PLA2G7: variants seen among roughly 807,000 people sequenced by gnomAD.
PLA2G7 encodes the protein platelet-activating factor acetylhydrolase.
Under a neutral mutation model 49.6 loss-of-function variants are expected in PLA2G7, and 63 were observed. The ratio of observed to expected loss-of-function variants is 1.27; its 90% CI spans 1.04 to 1.57. PLA2G7 has a LOEUF of 1.57. PLA2G7 is among the 40% of genes most tolerant of loss of function. The probability of loss-of-function intolerance (pLI) is 0.00; values close to 1 mark genes in which losing one functional copy is unlikely to be tolerated. For missense variants in PLA2G7, 596 were observed against 521.2 expected, an observed-to-expected ratio of 1.14 and a Z score of -1.40; for synonymous variants, 193 against 169.9, an observed-to-expected ratio of 1.14 and a Z score of -1.06.
Position 46,716,479 on chromosome 6 carries a change from T to A in PLA2G7, c.281A>T (p.Asp94Val), listed in dbSNP as rs1362027316. 6.2e-7 allele frequency: 1 copy of A among 1,613,980 alleles called. No homozygotes were observed. Residue 94 changes from aspartate (D) to valine (V), a missense_variant, in exon 4 of 12, where the codon GAC becomes GTC. Coordinates refer to ENST00000274793, the MANE Select transcript of PLA2G7 (RefSeq NM_005084.4). ...TTCTTTATTTGGGATCCAAAGGGTG[T>A]CAAGGCGATCATTATCTTGGGATGG... Reference protein sequence around the residue: ...YYPSQDNDRLDTLWIPNKEYF... With the variant: ...YYPSQDNDRLVTLWIPNKEYF...
In PLA2G7 at chr6:46,717,063, G is replaced by T; in HGVS notation, c.143C>A (p.Ala48Asp). 6.2e-7 allele frequency: 1 copy of T among 1,613,608 alleles called. No homozygotes were observed. Among genetic ancestry groups the T allele is most frequent in the Non-Finnish European group, 8.5e-7 (1 of 1,179,492 alleles). The change falls in exon 3 of 12, where the codon GCT (alanine) becomes GAT (aspartate). Residue 48 changes from alanine (A) to aspartate (D), a missense_variant. Transcript: ENST00000274793. ...GATTTTAGTTTGGCCAAAGCTTGCA[G>T]CAGCCATCAGTACTTGTATTTTGTT... ...WVNKIQVLMA[A>D]ASFGQTKIPR... is the part of the protein sequence containing the mutation.
chr6:46,729,442 C>A (rs950461344), intron 1 of PLA2G7, among the ~76,000 whole-genome samples: 1 of 152,092 alleles, frequency 6.6e-6, no homozygotes. Flanking sequence ...TATGTACACA[C>A]CAAAATGAAT....
At chr6:46,707,215 A>C (rs1764857893) in intron 10 of PLA2G7, among the ~76,000 whole-genome samples, 1 of 152,206 alleles carries the variant, frequency 6.6e-6, no homozygotes, top group Non-Finnish European at 1.5e-5. Context: ...TGCAGGTCTC[A>C]GTCGATAATC....
At chr6:46,732,692 C>CA (rs1765771027) in intron 1 of PLA2G7, among the ~76,000 whole-genome samples, 1 of 152,022 alleles carries the variant, frequency 6.6e-6, no homozygotes, top group African/African-American at 2.4e-5. Flanking sequence ...CTTTAAAAAC[C>CA]AAAAACCTAC....
At chr6:46,717,906 C>T (rs924800289) in intron 2 of PLA2G7, among the ~76,000 whole-genome samples, 4 of 151,860 alleles carry the variant, frequency 2.6e-5, no homozygotes, top group East Asian at 1.9e-4. Context: ...TTAGTAGAGA[C>T]GGGGTTTCAC....
At chr6:46,734,873 A>C (rs1360355324) in intron 1 of PLA2G7, among the ~76,000 whole-genome samples, 1 of 152,128 alleles carries the variant, frequency 6.6e-6, no homozygotes, top group African/African-American at 2.4e-5. Context: ...AAAAAAAAGA[A>C]AAGAAAACTC....
Position 46,734,401 on chromosome 6 carries a change from G to GGTGTGTGT in PLA2G7, c.-35+771_-35+778dup, listed in dbSNP as rs371692865. 4.2e-3 allele frequency among the ~76,000 whole-genome samples: 319 copies of GGTGTGTGT among 75,384 alleles called. 20 individuals carry two copies. Among genetic ancestry groups the GGTGTGTGT allele is most frequent in the Middle Eastern group, 0.039 (6 of 152 alleles). The allele number at this position is 75,384 out of a possible 152,430, so 49.5% of individuals were successfully genotyped here. ...GGAGGCAGAGTGAGAGGTGTGTAGTGGTGTGTGTGTGTGTGAGAGAGAGAG... is the reference window on the plus strand; with the variant it reads ...GGAGGCAGAGTGAGAGGTGTGTAGTGGTGTGTGTGTGTGTGTGTGTGTGAGAGAGAGAG... On this transcript the variant is annotated intron_variant, in intron 1 of 11. Coordinates refer to ENST00000274793, the MANE Select transcript of PLA2G7 (RefSeq NM_005084.4).
intron 8 of PLA2G7, among the ~76,000 whole-genome samples, chr6:46,709,663 TC>T (rs1341636452): frequency 6.6e-6 from 1 of 152,224 alleles, no homozygotes; most frequent in Non-Finnish European, 1.5e-5. Context: ...AACTTAATGT[TC>T]TTTGTAGTCA....
At chr6:46,724,522 A>T (rs1467883414) in intron 1 of PLA2G7, among the ~76,000 whole-genome samples, 2 of 152,234 alleles carry the variant, frequency 1.3e-5, no homozygotes, top group Non-Finnish European at 2.9e-5. Flanking sequence ...ACAGACAATG[A>T]GTGCTCCTGA....
rs747586019 is a variant in PLA2G7 at position 46,704,606 on chromosome 6, T to G, written c.1280A>C (p.Gln427Pro). 11 of 1,591,394 alleles carry G rather than the reference T, an allele frequency of 6.9e-6. No homozygotes were observed. The South Asian group carries it at 8.8e-5, about 13-fold the overall frequency. ...IPGTNINTTNQHIMLQNSSGI... is the reference protein window; with the variant it reads ...IPGTNINTTNPHIMLQNSSGI... ...TGAAGAGTTCTGTAACATGATGTGTTGATTGGTTGTGTTAATGTTGGTCCC... is the reference window on the plus strand; with the variant it reads ...TGAAGAGTTCTGTAACATGATGTGTGGATTGGTTGTGTTAATGTTGGTCCC... Residue 427 changes from glutamine to proline, a missense_variant, in exon 12 of 12, where the codon CAA (glutamine) becomes CCA (proline). Gln to Pro is a moderately conservative substitution (Grantham distance 76, BLOSUM62 -1). Transcript: ENST00000274793.
chr6:46,722,626 A>C (rs984126439), intron 2 of PLA2G7, among the ~76,000 whole-genome samples, 157 bp downstream of exon 2: 1 of 152,186 alleles, frequency 6.6e-6, no homozygotes, highest in Non-Finnish European at 1.5e-5. Flanking sequence ...AAATGAGGAA[A>C]AAGTGAGAAC....
At chr6:46,722,960 T>C (rs201171283) in intron 1 of PLA2G7, 35 bp from the exon 2 acceptor site, 10 of 889,146 alleles carry the variant, frequency 1.1e-5, no homozygotes, top group Middle Eastern at 3.0e-4. Context: ...AAAAGAAGTA[T>C]GCAATGAAGA....
At position 46,722,799 on chromosome 6, in the gene PLA2G7, G is replaced by T; in HGVS notation, c.93C>A (p.Ala31=). 6.2e-7 allele frequency: 1 copy of T among 1,605,332 alleles called. No homozygotes were observed. The highest frequency in any genetic ancestry group is 8.5e-7 in the Non-Finnish European group (1 of 1,172,104). ...ACCTCTTACCTGATGATTTCATATG[G>T]GCAACAGGATTTATGTATTGCCAGT... ...PFDWQYINPV[A]HMKSSAWVNK... is the part of the protein sequence containing the mutation. The change falls in exon 2 of 12, where the codon GCC becomes GCA. Residue 31 remains alanine, a synonymous_variant. Transcript: ENST00000274793.
intron 2 of PLA2G7, among the ~76,000 whole-genome samples, chr6:46,721,869 G>A (rs540543978): frequency 5.3e-5 from 8 of 152,092 alleles, no homozygotes; most frequent in Non-Finnish European, 8.8e-5. Flanking sequence ...AAATGCTATC[G>A]TAAGGAGTCA....
chr6:46,711,756 T>G, intron 6 of PLA2G7, 137 bp from the exon 7 acceptor site: 1 of 905,250 alleles, frequency 1.1e-6, no homozygotes, highest in Non-Finnish European at 1.8e-6. Context: ...TATTTTCTCT[T>G]AAATTAAAGA....
At chr6:46,723,891 C>T (rs1765485071) in intron 1 of PLA2G7, among the ~76,000 whole-genome samples, 2 of 152,182 alleles carry the variant, frequency 1.3e-5, no homozygotes, top group African/African-American at 2.4e-5. Context: ...AACCTTTACT[C>T]AACACACTCC....
intron 1 of PLA2G7, among the ~76,000 whole-genome samples, chr6:46,732,397 ACAC>A (rs1765762702): frequency 6.8e-6 from 1 of 146,486 alleles, no homozygotes; most frequent in South Asian, 2.2e-4. Context: ...ACACACACAC[ACAC>A]ACCACTATAC....
chr6:46,709,751 G>C (rs1764950014), intron 8 of PLA2G7, among the ~76,000 whole-genome samples: 1 of 152,118 alleles, frequency 6.6e-6, no homozygotes, highest in Non-Finnish European at 1.5e-5. Flanking sequence ...TTCATTCCAT[G>C]AGTATTTATT....
intron 6 of PLA2G7, 85 bp from the exon 7 acceptor site, chr6:46,711,704 A>C: frequency 7.4e-7 from 1 of 1,348,458 alleles, no homozygotes; most frequent in Non-Finnish European, 1.1e-6. Flanking sequence ...CCTTGACTCA[A>C]CTTCCTCTGA....
Sources: allele counts gnomAD v4.1 joint callset (sites outside exome capture counted in the v4.1 genomes callset), GRCh38; gene constraint gnomAD v4.1.1; transcripts MANE v1.5; gene names NCBI Gene and HGNC (gene_info 2026-07-23, HGNC 2026-07-21).